Variants in DSCAML1 observed in about 807,000 individuals in gnomAD.
The protein encoded by DSCAML1 is cell adhesion molecule DSCAML1.
Under a neutral mutation model 200.5 loss-of-function variants are expected in DSCAML1, and 38 were observed. That is an observed-to-expected ratio of 0.19 (90% CI 0.15 to 0.25). The LOEUF is 0.25. Among genes scored for constraint, DSCAML1 ranks in the 10% least tolerant of loss-of-function variants. DSCAML1 has a pLI of 1.00. For synonymous variants in DSCAML1, 1,215 were observed against 1,165.0 expected, an observed-to-expected ratio of 1.04 and a Z score of -0.87; for missense variants, 2,223 against 2,858.8, an observed-to-expected ratio of 0.78 and a Z score of 5.07.
intron 3 of DSCAML1, among the ~76,000 whole-genome samples, chr11:117,755,280 T>C (rs2054667417): frequency 6.6e-6 from 1 of 152,100 alleles, no homozygotes; most frequent in Non-Finnish European, 1.5e-5. Flanking sequence ...GAACGCTAAT[T>C]TATGATGGGA....
At chr11:117,747,305 G>A (rs2054533565) in intron 3 of DSCAML1, among the ~76,000 whole-genome samples, 1 of 152,174 alleles carries the variant, frequency 6.6e-6, no homozygotes, top group Non-Finnish European at 1.5e-5. Context: ...CAAACCCTAA[G>A]CCTTGGGAGC....
chr11:117,522,394 G>A (rs1397878866), intron 5 of DSCAML1, among the ~76,000 whole-genome samples: 1 of 152,148 alleles, frequency 6.6e-6, no homozygotes, highest in Non-Finnish European at 1.5e-5. Context: ...AGCCTCATAG[G>A]CCTACCATGA....
intron 3 of DSCAML1, among the ~76,000 whole-genome samples, chr11:117,631,559 G>A (rs2052174193): frequency 6.6e-6 from 1 of 152,250 alleles, no homozygotes. Flanking sequence ...AAAGGCCAGT[G>A]TCTTCAGGGA....
chr11:117,626,870 A>G (rs1041211833), intron 3 of DSCAML1, among the ~76,000 whole-genome samples: 4 of 152,104 alleles, frequency 2.6e-5, no homozygotes, highest in Middle Eastern at 3.4e-3. Context: ...ATCTCATCCT[A>G]TGCTCCACGG....
At chr11:117,787,851 G>A (rs1391768906) in intron 1 of DSCAML1, among the ~76,000 whole-genome samples, 3 of 152,142 alleles carry the variant, frequency 2.0e-5, no homozygotes, top group Non-Finnish European at 2.9e-5. Context: ...GATTTGCAAG[G>A]TTGATTACTT....
chr11:117,665,918 G>C (rs2052965255), intron 3 of DSCAML1, among the ~76,000 whole-genome samples: 1 of 152,226 alleles, frequency 6.6e-6, no homozygotes, highest in African/African-American at 2.4e-5. Context: ...ATTGCTCTGG[G>C]AAGTCAGAGA....
chr11:117,611,460 AC>A (rs1396128504), intron 3 of DSCAML1: 10 of 152,192 alleles, frequency 6.6e-5, no homozygotes, highest in African/African-American at 2.4e-4. Context: ...TCTGCATGAG[AC>A]ATGAGAACCA....
intron 3 of DSCAML1, among the ~76,000 whole-genome samples, chr11:117,721,667 A>G (rs1305394895): frequency 2.7e-5 from 4 of 147,916 alleles, no homozygotes; most frequent in African/African-American, 9.8e-5. Flanking sequence ...TATATGTAAT[A>G]TATAAATATA....
In DSCAML1 at chr11:117,693,648, G is replaced by A. The variant is rs61903824; in HGVS notation, c.511+83143C>T. On this transcript the variant is annotated intron_variant, in intron 3 of 32. Coordinates refer to ENST00000651296, the MANE Select transcript of DSCAML1 (RefSeq NM_020693.4). ...CTGGGAGAAATAAATTCTGGGCCCC[G>A]TGATGCTACTAATAAGCTGCATTTT... Among the ~76,000 whole-genome samples, 20 of 152,232 alleles carry A rather than the reference G, an allele frequency of 1.3e-4. No homozygotes were observed. The East Asian group carries it at 1.3e-3, about 10-fold the overall frequency.
chr11:117,439,806 TC>T lies in DSCAML1; in HGVS notation c.3980+12del. 1.2e-6 allele frequency: 2 copies of T among 1,611,038 alleles called. No individual in the cohort carries two copies. The highest frequency in any genetic ancestry group is 1.7e-6 in the Non-Finnish European group (2 of 1,177,318). On this transcript the variant is annotated intron_variant, in intron 22 of 32. Transcript: ENST00000651296. ...TTGGGGCCACCCCATCCCTCCACTG[TC>T]CCGACACACACCTGTCCTTGGTCCA...
intron 3 of DSCAML1, among the ~76,000 whole-genome samples, chr11:117,713,792 T>G (rs1046164953): frequency 6.6e-6 from 1 of 152,160 alleles, no homozygotes; most frequent in African/African-American, 2.4e-5. Flanking sequence ...CCTGTGGCTG[T>G]GTGGAGGTGG....
chr11:117,643,420 A>G (rs1014083409), intron 3 of DSCAML1, among the ~76,000 whole-genome samples: 14 of 152,204 alleles, frequency 9.2e-5, no homozygotes, highest in Non-Finnish European at 1.3e-4. Context: ...CTTGGAGGTT[A>G]GCATGGAGGA....
chr11:117,527,371 C>G (rs779390105), intron 4 of DSCAML1, among the ~76,000 whole-genome samples: 23 of 152,230 alleles, frequency 1.5e-4, no homozygotes, highest in Non-Finnish European at 2.9e-4. Context: ...CAAGGGCAGT[C>G]AGCACCTGGA....
rs1235988764 is a variant in DSCAML1, at chr11:117,437,237, C to T, written c.4605G>A (p.Glu1535=). The change falls in exon 26 of 33, where the codon GAG becomes GAA. Residue 1535 remains glutamate (E), a synonymous_variant. Coordinates refer to ENST00000651296, the MANE Select transcript of DSCAML1 (RefSeq NM_020693.4). The surrounding 1 kb of genome is among the most constrained non-coding windows in gnomAD (Gnocchi z 5.3). ...WQGLRANSSG[E]VFLTELREAT... is the part of the protein sequence containing the mutation. ...CCTCTCGCAGTTCCGTCAGAAACACCTCCCCGGAGCTGTTGGCCCGGAGGC... is the reference window on the plus strand; with the variant it reads ...CCTCTCGCAGTTCCGTCAGAAACACTTCCCCGGAGCTGTTGGCCCGGAGGC... The T allele has an allele frequency of 1.2e-6, 2 of 1,614,234 alleles. No individual in the cohort carries two copies. The highest frequency in any genetic ancestry group is 1.3e-5 in the African/African-American group (1 of 75,054).
At chr11:117,520,627 A>T (rs1364463063) in intron 6 of DSCAML1, among the ~76,000 whole-genome samples, 2 of 144,420 alleles carry the variant, frequency 1.4e-5, no homozygotes, top group South Asian at 2.2e-4. Flanking sequence ...TAACATCATT[A>T]AAAAAAAAAA....
intron 32 of DSCAML1, 91 bp downstream of exon 32, chr11:117,430,631 T>G: frequency 7.0e-7 from 1 of 1,430,628 alleles, no homozygotes. Flanking sequence ...GGCATGATCC[T>G]GGTGCTGGCA....
At chr11:117,644,026 G>T (rs2052469168) in intron 3 of DSCAML1, among the ~76,000 whole-genome samples, 1 of 152,202 alleles carries the variant, frequency 6.6e-6, no homozygotes, top group African/African-American at 2.4e-5. Context: ...AGGCTGGCAG[G>T]TCTCCTGCCT....
chr11:117,741,600 G>A (rs113452465), intron 3 of DSCAML1, among the ~76,000 whole-genome samples: 2,568 of 152,344 alleles, frequency 0.017, 75 homozygotes, highest in African/African-American at 0.06. Context: ...AAAGATGTGT[G>A]GGAACTTCCC....
intron 1 of DSCAML1, among the ~76,000 whole-genome samples, chr11:117,803,467 T>C (rs2055679970): frequency 1.3e-5 from 2 of 151,674 alleles, no homozygotes. Context: ...ATTTGTAACT[T>C]GTTGCAATTT....
Sources: gnomAD v4.1 joint callset for allele counts (sites outside exome capture counted in the v4.1 genomes callset) on GRCh38, gnomAD v4.1.1 for gene constraint, Gnocchi (gnomAD v3.1) non-coding constraint, MANE v1.5 for transcripts, NCBI Gene and HGNC (gene_info 2026-07-23, HGNC 2026-07-21) for gene names.